Variants in GLYAT observed in about 807,000 individuals in gnomAD.
GLYAT encodes the protein glycine N-acyltransferase.
GLYAT carries 25 observed loss-of-function variants against 22.8 expected under a neutral mutation model. That is an observed-to-expected ratio of 1.09 (90% CI 0.80 to 1.53). GLYAT has a LOEUF of 1.53. GLYAT is among the 40% of genes most tolerant of loss of function. The pLI is 0.00. For missense variants in GLYAT, 411 were observed against 353.9 expected, an observed-to-expected ratio of 1.16 and a Z score of -1.29; for synonymous variants, 140 against 122.7, an observed-to-expected ratio of 1.14 and a Z score of -0.93.
At position 58,710,132 on chromosome 11, in the gene GLYAT, A is replaced by G. The variant is rs1487741202; in HGVS notation, c.525T>C (p.Val175=). 2 of 1,613,744 alleles carry G rather than the reference A, an allele frequency of 1.2e-6. No individual in the cohort carries two copies. Among genetic ancestry groups the G allele is most frequent in the African/African-American group, 2.7e-5 (2 of 74,950 alleles). The change falls in exon 6 of 6, where the codon GTT becomes GTC. Residue 175 remains valine (V), a synonymous_variant. Coordinates refer to ENST00000344743, the MANE Select transcript of GLYAT (RefSeq NM_201648.3). ...ATTTATTCACCAAGTGAGCATGGGT[A>G]ACATCCATGGATGAGAGTTTAAACA... The part of the protein sequence containing the change: ...QEMFKLSSMD[V]THAHLVNKFW...
chr11:58,709,573 T>G lies in GLYAT; in HGVS notation c.*193A>C, dbSNP rs1406567116. On this transcript the variant is annotated 3_prime_UTR_variant, in exon 6 of 6. Transcript: ENST00000344743. ...TGTCAAATGTAAGAGGACCTGGGCCTGCTTCCCACTGAGAAACCTGTGAAT... is the reference window on the plus strand; with the variant it reads ...TGTCAAATGTAAGAGGACCTGGGCCGGCTTCCCACTGAGAAACCTGTGAAT... 1 of 554,752 alleles carries G rather than the reference T, an allele frequency of 1.8e-6. No individual in the cohort carries two copies. The highest frequency in any genetic ancestry group is 3.1e-6 in the Non-Finnish European group (1 of 323,710). 34.4% of individuals were successfully genotyped at this position (554,752 alleles called of 1,614,324 possible). A position where few individuals can be genotyped will look rare whatever the true frequency, so the allele number is the denominator to read the frequency against.
In GLYAT at chr11:58,710,555, T is replaced by A. The variant is rs79726555; in HGVS notation, c.488+35A>T. 2.6e-3 allele frequency: 3,849 copies of A among 1,486,848 alleles called. 15 individuals are homozygous for A. The highest frequency in any genetic ancestry group is 7.0e-3 in the Middle Eastern group (41 of 5,830). 92.1% of individuals were successfully genotyped at this position (1,486,848 alleles called of 1,614,324 possible). ...AGAAGTTGGGAGGTTACTTGAGAGG[T>A]GTGAGTGGTATAGACTGGATTTTAT... On this transcript the variant is annotated intron_variant, in intron 5 of 5. Transcript: ENST00000344743.
At chr11:58,721,399 G>A (rs1856747977) in intron 2 of GLYAT, among the ~76,000 whole-genome samples, 1 of 151,452 alleles carries the variant, frequency 6.6e-6, no homozygotes, top group South Asian at 2.1e-4. Context: ...TAACCACGTA[G>A]CCTTTGTTGC....
rs530219841 is a variant in GLYAT at position 58,721,742 on chromosome 11, C to T, written c.81+2674G>A. Among the ~76,000 whole-genome samples, 13 of 152,036 alleles carry T rather than the reference C, an allele frequency of 8.6e-5. No homozygotes were observed. In the South Asian group the frequency reaches 2.7e-3, roughly 32 times the overall value. ...CCATTGCTCTTTCAGTTTGGTCTGG[C>T]TGGCAAAAAGGTGACCTTATAATGT... On this transcript the variant is annotated intron_variant, in intron 2 of 5. Coordinates refer to ENST00000344743, the MANE Select transcript of GLYAT (RefSeq NM_201648.3).
intron 1 of GLYAT, among the ~76,000 whole-genome samples, chr11:58,725,633 A>T (rs1248213656): frequency 2.0e-5 from 3 of 152,182 alleles, no homozygotes; most frequent in African/African-American, 7.2e-5. Flanking sequence ...GCAGAAGGAG[A>T]GACCAAGGCA....
At chr11:58,712,722 A>C in intron 4 of GLYAT, 38 bp downstream of exon 4, 1 of 1,598,442 alleles carries the variant, frequency 6.3e-7, no homozygotes, top group South Asian at 1.1e-5. Context: ...CTCAGGACAC[A>C]TAAGTGAGTC....
At chr11:58,721,007 T>C (rs1186869853) in intron 2 of GLYAT, among the ~76,000 whole-genome samples, 1 of 152,046 alleles carries the variant, frequency 6.6e-6, no homozygotes, top group African/African-American at 2.4e-5. Flanking sequence ...TTAAGCACTT[T>C]TGTTTTTTCT....
chr11:58,713,229 T>C (rs1856638808), intron 3 of GLYAT, among the ~76,000 whole-genome samples: 1 of 152,140 alleles, frequency 6.6e-6, no homozygotes, highest in South Asian at 2.1e-4. Context: ...ATTTCCTTTA[T>C]CTAACTGTGG....
intron 1 of GLYAT, chr11:58,728,851 G>GAAGAAAGAAAGAAAGAAAGAAAGAAAGA (rs567844506): frequency 2.0e-4 from 18 of 90,714 alleles, no homozygotes; most frequent in East Asian, 6.8e-4. Flanking sequence ...AGGAAAGAAA[G>GAAGAAAGAAAGAAAGAAAGAAAGAAAGA]AAGAAAGAAA....
At chr11:58,718,227 A>G (rs938232700) in intron 2 of GLYAT, among the ~76,000 whole-genome samples, 4 of 152,098 alleles carry the variant, frequency 2.6e-5, no homozygotes, top group Non-Finnish European at 5.9e-5. Flanking sequence ...ATGTATTACC[A>G]TAAGTTAAGA....
chr11:58,716,157 G>A (rs1856677414), intron 2 of GLYAT, among the ~76,000 whole-genome samples: 1 of 152,068 alleles, frequency 6.6e-6, no homozygotes, highest in Non-Finnish European at 1.5e-5. Context: ...GTGAAAGAGA[G>A]GGTAGGAGGT....
chr11:58,714,413 A>G (rs918822340), intron 3 of GLYAT, among the ~76,000 whole-genome samples: 2 of 152,162 alleles, frequency 1.3e-5, no homozygotes, highest in Non-Finnish European at 2.9e-5. Context: ...AAGCTTATGC[A>G]TTTTTATCTT....
chr11:58,713,723 T>A (rs1856644610), intron 3 of GLYAT, among the ~76,000 whole-genome samples: 1 of 151,976 alleles, frequency 6.6e-6, no homozygotes, highest in Admixed American at 6.6e-5. Context: ...TATTATAGAA[T>A]TAAAAAACTT....
rs371167351 is a variant in GLYAT, at chr11:58,709,725, G to C, written c.*41C>G. ...CCACCATCCACTCCTCAAATTATAC[G>C]CCCAGACCTGCCCAACACTGTCTTA... On this transcript the variant is annotated 3_prime_UTR_variant, in exon 6 of 6. Transcript: ENST00000344743. 3 of 1,557,560 alleles carry C rather than the reference G, an allele frequency of 1.9e-6. No homozygotes were observed. The highest frequency in any genetic ancestry group is 2.4e-5 in the South Asian group (2 of 82,106).
intron 1 of GLYAT, among the ~76,000 whole-genome samples, chr11:58,728,502 T>C (rs147199175): frequency 1.0e-3 from 159 of 152,202 alleles, no homozygotes; most frequent in African/African-American, 3.6e-3. Flanking sequence ...ACCAGTAATA[T>C]TGCTTCCAGC....
intron 1 of GLYAT, among the ~76,000 whole-genome samples, chr11:58,731,352 G>C (rs539085): frequency 0.96 from 145,630 of 152,230 alleles, 69,768 homozygotes; most frequent in Middle Eastern, 0.99. Flanking sequence ...TTTATTAGTC[G>C]AGAGCACAAA....
At chr11:58,724,859 G>GTC (rs1446333090) in intron 1 of GLYAT, among the ~76,000 whole-genome samples, 1 of 152,076 alleles carries the variant, frequency 6.6e-6, no homozygotes, top group Non-Finnish European at 1.5e-5. Context: ...AAGTTATTTA[G>GTC]TCTCTCTGTA....
At chr11:58,726,640 A>G (rs1856814283) in intron 1 of GLYAT, among the ~76,000 whole-genome samples, 1 of 152,162 alleles carries the variant, frequency 6.6e-6, no homozygotes, top group Admixed American at 6.6e-5. Flanking sequence ...TCCAAGATTG[A>G]CTTTTGTAAT....
intron 2 of GLYAT, 148 bp downstream of exon 2, chr11:58,724,268 T>C: frequency 5.8e-6 from 3 of 517,156 alleles, no homozygotes; most frequent in South Asian, 3.2e-5. Context: ...ACAGTAAACA[T>C]CTTGTAGAGA....
Sources: allele counts gnomAD v4.1 joint callset (sites outside exome capture counted in the v4.1 genomes callset), GRCh38; gene constraint gnomAD v4.1.1; transcripts MANE v1.5; gene names NCBI Gene and HGNC (gene_info 2026-07-23, HGNC 2026-07-21).